FRMD4B: variants seen among roughly 807,000 people sequenced by gnomAD.
FRMD4B encodes the protein FERM domain containing 4B.
In FRMD4B, 74 loss-of-function variants were observed where a neutral mutation model predicts 141.5. The ratio of observed to expected loss-of-function variants is 0.52; its 90% CI spans 0.43 to 0.63. FRMD4B has a LOEUF of 0.63. FRMD4B is among the 30% of genes least tolerant of loss of function. The pLI, the probability that FRMD4B is intolerant of heterozygous loss-of-function variation, is 0.00. For missense variants in FRMD4B, 1,366 were observed against 1,253.4 expected (o/e 1.09, Z -1.36); for synonymous variants, 506 against 467.9 (o/e 1.08, Z -1.05).
At chr3:69,190,881 T>G (rs2092828105) in intron 17 of FRMD4B, among the ~76,000 whole-genome samples, 1 of 152,228 alleles carries the variant, frequency 6.6e-6, no homozygotes, top group Non-Finnish European at 1.5e-5. Context: ...CTATGAGACC[T>G]TGGGCAAATT....
At chr3:69,540,291 C>A (rs1013280816) in intron 1 of FRMD4B, among the ~76,000 whole-genome samples, 1 of 151,788 alleles carries the variant, frequency 6.6e-6, no homozygotes, top group Non-Finnish European at 1.5e-5. Context: ...GAGTGTCAAT[C>A]TCTCTTAAAT....
chr3:69,284,758 T>C (rs543870870), intron 5 of FRMD4B, among the ~76,000 whole-genome samples: 1 of 152,296 alleles, frequency 6.6e-6, no homozygotes, highest in Non-Finnish European at 1.5e-5. Flanking sequence ...GACATTAGGA[T>C]AAACAGACAA....
intron 1 of FRMD4B, chr3:69,433,043 G>A (rs1705204959): frequency 6.6e-6 from 1 of 152,194 alleles, no homozygotes; most frequent in African/African-American, 2.4e-5. Context: ...GACTTCTACT[G>A]TCTCTGTAGG....
At chr3:69,417,213 G>A (rs1360878886) in intron 2 of FRMD4B, among the ~76,000 whole-genome samples, 2 of 152,170 alleles carry the variant, frequency 1.3e-5, no homozygotes, top group Non-Finnish European at 2.9e-5. Context: ...TCCAGCATCT[G>A]TTGTTTCCTG....
At chr3:69,317,682 G>A (rs943948025) in intron 1 of FRMD4B, among the ~76,000 whole-genome samples, 4 of 147,450 alleles carry the variant, frequency 2.7e-5, no homozygotes, top group East Asian at 2.1e-4. Context: ...TTGAACCCAG[G>A]AGGCGGAGAT....
chr3:69,213,627 C>T (rs1370892754), intron 11 of FRMD4B, among the ~76,000 whole-genome samples: 1 of 150,124 alleles, frequency 6.7e-6, no homozygotes, highest in Non-Finnish European at 1.5e-5. Context: ...TTGTCCTCTA[C>T]TGCTTGTTGA....
chr3:69,251,759 C>T (rs994197722), intron 5 of FRMD4B, among the ~76,000 whole-genome samples: 18 of 152,252 alleles, frequency 1.2e-4, no homozygotes, highest in African/African-American at 3.9e-4. Flanking sequence ...CAACTGCCCT[C>T]TGCCTTTCAG....
intron 2 of FRMD4B, among the ~76,000 whole-genome samples, chr3:69,415,545 G>C (rs1421389110): frequency 1.3e-5 from 2 of 152,056 alleles, no homozygotes; most frequent in African/African-American, 4.8e-5. Context: ...GGAACCCTCA[G>C]CCTCTTCTCC....
At chr3:69,477,467 G>A (rs1267053477) in intron 1 of FRMD4B, among the ~76,000 whole-genome samples, 1 of 151,352 alleles carries the variant, frequency 6.6e-6, no homozygotes. Flanking sequence ...ATAAGCATGT[G>A]GTTTTTGTCT....
intron 1 of FRMD4B, among the ~76,000 whole-genome samples, chr3:69,538,490 G>C (rs1336131651): frequency 6.6e-6 from 1 of 152,110 alleles, no homozygotes; most frequent in Non-Finnish European, 1.5e-5. Flanking sequence ...GTGACTCAAA[G>C]TCTCATGAAA....
intron 21 of FRMD4B, among the ~76,000 whole-genome samples, chr3:69,177,326 G>A (rs139747926): frequency 6.6e-6 from 1 of 152,134 alleles, no homozygotes; most frequent in Admixed American, 6.6e-5. Context: ...GTGACAGAGT[G>A]AGGCTCTGTC....
At chr3:69,185,871 A>G (rs771019566) in intron 19 of FRMD4B, among the ~76,000 whole-genome samples, 4 of 151,564 alleles carry the variant, frequency 2.6e-5, no homozygotes, top group African/African-American at 4.9e-5. Context: ...GTGAAACTCT[A>G]TCTCTACTAA....
rs2093451860 is a variant in FRMD4B at position 69,250,087 on chromosome 3, C to G, written c.514G>C (p.Val172Leu). 3 of 1,609,038 alleles carry G rather than the reference C, an allele frequency of 1.9e-6. No homozygotes were observed. In the East Asian group the frequency reaches 6.7e-5, roughly 36 times the overall value. The change falls in exon 6 of 23, where the codon GTA becomes CTA. Residue 172 changes from valine (V) to leucine (L), a missense_variant. By Grantham distance (32) the Val-to-Leu change is conservative (BLOSUM62 1). Coordinates refer to ENST00000398540, the MANE Select transcript of FRMD4B (RefSeq NM_015123.3). Reference protein sequence around the residue: ...KACVHKGQIEVESETIFKLAA... With the variant: ...KACVHKGQIELESETIFKLAA... ...AACTTGAAGATGGTTTCGCTCTCTA[C>G]TTCGATTTGCCCCTGTTGATGGAAA...
At chr3:69,468,366 G>A (rs540329960) in intron 1 of FRMD4B, among the ~76,000 whole-genome samples, 1 of 151,966 alleles carries the variant, frequency 6.6e-6, no homozygotes, top group Non-Finnish European at 1.5e-5. Flanking sequence ...ACTGTTGGTG[G>A]CCTACCCATC....
intron 2 of FRMD4B, among the ~76,000 whole-genome samples, chr3:69,407,202 A>C (rs1704663552): frequency 6.6e-6 from 1 of 152,200 alleles, no homozygotes; most frequent in African/African-American, 2.4e-5. Context: ...TGGCAATACT[A>C]TATACATCTT....
At chr3:69,456,010 A>C (rs923533153) in intron 1 of FRMD4B, among the ~76,000 whole-genome samples, 8 of 152,174 alleles carry the variant, frequency 5.3e-5, no homozygotes, top group Non-Finnish European at 1.0e-4. Flanking sequence ...CAGATTATGC[A>C]CATCAAGGAC....
intron 1 of FRMD4B, among the ~76,000 whole-genome samples, chr3:69,448,870 T>G (rs1705448845): frequency 6.6e-6 from 1 of 152,192 alleles, no homozygotes. Flanking sequence ...TTCCTTGAAT[T>G]TTTTTAGTAT....
chr3:69,273,882 A>G (rs2093606121), intron 5 of FRMD4B, among the ~76,000 whole-genome samples: 1 of 152,020 alleles, frequency 6.6e-6, no homozygotes, highest in Admixed American at 6.6e-5. Context: ...AGGTTGAAAG[A>G]ATTTAACTCC....
chr3:69,379,446 C>T (rs1273410955), intron 1 of FRMD4B, among the ~76,000 whole-genome samples: 6 of 151,964 alleles, frequency 3.9e-5, no homozygotes, highest in African/African-American at 1.2e-4. Context: ...ACCCAGCTAA[C>T]TTTTGTATTT....
Sources: allele counts gnomAD v4.1 joint callset (sites outside exome capture counted in the v4.1 genomes callset), GRCh38; gene constraint gnomAD v4.1.1; transcripts MANE v1.5; gene names NCBI Gene and HGNC (gene_info 2026-07-23, HGNC 2026-07-21).